GSE1: variants seen among roughly 807,000 people sequenced by gnomAD.
The protein encoded by GSE1 is Gse1 coiled-coil protein, also known as genetic suppressor element 1.
GSE1 carries 32 observed loss-of-function variants against 112.6 expected under a neutral mutation model. The ratio of observed to expected loss-of-function variants is 0.28; its 90% CI spans 0.21 to 0.38. The LOEUF (loss-of-function observed/expected upper bound fraction) is 0.38. Among genes scored for constraint, GSE1 ranks in the 10% least tolerant of loss-of-function variants. The pLI, the probability that GSE1 is intolerant of heterozygous loss-of-function variation, is 1.00. For missense variants in GSE1, 2,348 were observed against 1,699.2 expected, an observed-to-expected ratio of 1.38 and a Z score of -6.71; for synonymous variants, 1,115 against 735.6, an observed-to-expected ratio of 1.52 and a Z score of -8.35.
intron 1 of GSE1, among the ~76,000 whole-genome samples, chr16:85,243,893 G>A (rs893528055): frequency 6.6e-5 from 10 of 152,290 alleles, no homozygotes; most frequent in Middle Eastern, 3.4e-3. Context: ...TTGGGAGGCC[G>A]AGGTGGGCGG....
At chr16:85,669,866 C>G (rs1164183640) in intron 14 of GSE1, among the ~76,000 whole-genome samples, 2 of 152,236 alleles carry the variant, frequency 1.3e-5, no homozygotes, top group Non-Finnish European at 2.9e-5. Context: ...CACTCCCACA[C>G]CTGCTGGGCC....
chr16:85,518,034 A>G (rs954759391), intron 2 of GSE1, among the ~76,000 whole-genome samples: 3 of 152,168 alleles, frequency 2.0e-5, no homozygotes, highest in African/African-American at 7.2e-5. Flanking sequence ...GCCGGGCACC[A>G]GGGACACGGC....
At chr16:85,523,319 C>T (rs566252465) in intron 2 of GSE1, among the ~76,000 whole-genome samples, 38 of 152,236 alleles carry the variant, frequency 2.5e-4, no homozygotes, top group African/African-American at 9.2e-4. Context: ...TGTGCGTGCC[C>T]TGTGTGTGCG....
chr16:85,654,570 G>A (rs561808177), intron 4 of GSE1, 120 bp downstream of exon 4: 46 of 913,280 alleles, frequency 5.0e-5, no homozygotes, highest in Middle Eastern at 3.4e-4. Context: ...GATGGTTGTC[G>A]GCCGCTGAGC....
chr16:85,357,404 A>C (rs900755), intron 1 of GSE1: 3 of 1,049,170 alleles, frequency 2.9e-6, no homozygotes, highest in Non-Finnish European at 3.6e-6. Flanking sequence ...GAGTCCATTC[A>C]TGCATCATCC....
At chr16:85,197,372 C>T (rs2074947874) in intron 1 of GSE1, among the ~76,000 whole-genome samples, 1 of 152,226 alleles carries the variant, frequency 6.6e-6, no homozygotes, top group Non-Finnish European at 1.5e-5. Flanking sequence ...TTTTAAAGGA[C>T]TCCAGCCCTT....
intron 2 of GSE1, among the ~76,000 whole-genome samples, chr16:85,643,436 G>C (rs2050606371): frequency 6.6e-6 from 1 of 152,170 alleles, no homozygotes; most frequent in African/African-American, 2.4e-5. Flanking sequence ...GAGTGTCAAT[G>C]GCCTGCCCTG....
intron 14 of GSE1, among the ~76,000 whole-genome samples, chr16:85,669,895 G>A (rs1339815752): frequency 3.9e-5 from 6 of 152,172 alleles, no homozygotes; most frequent in Non-Finnish European, 2.9e-5. Flanking sequence ...CCCCTGTCAG[G>A]CATGACCTGC....
At chr16:85,518,543 C>T (rs1455209666) in intron 2 of GSE1, among the ~76,000 whole-genome samples, 3 of 152,118 alleles carry the variant, frequency 2.0e-5, no homozygotes, top group Admixed American at 6.5e-5. Context: ...TCACATTCAG[C>T]TTCCGGCCCC....
chr16:85,501,547 A>C (rs964596030), intron 2 of GSE1, among the ~76,000 whole-genome samples: 1 of 151,942 alleles, frequency 6.6e-6, no homozygotes, highest in Non-Finnish European at 1.5e-5. Flanking sequence ...GTGTGCCACC[A>C]TGCCCAGCTA....
intron 1 of GSE1, among the ~76,000 whole-genome samples, chr16:85,337,530 C>A (rs1407508984): frequency 6.6e-6 from 1 of 152,112 alleles, no homozygotes; most frequent in Non-Finnish European, 1.5e-5. Context: ...TGGTCTCGAT[C>A]TCCTGACCTC....
At chr16:85,500,566 A>G (rs1311242642) in intron 2 of GSE1, among the ~76,000 whole-genome samples, 1 of 152,206 alleles carries the variant, frequency 6.6e-6, no homozygotes, top group Non-Finnish European at 1.5e-5. Flanking sequence ...ACGTCGTGGC[A>G]GTGATGGATT....
At chr16:85,178,798 C>A (rs2074520803) in intron 1 of GSE1, among the ~76,000 whole-genome samples, 1 of 150,016 alleles carries the variant, frequency 6.7e-6, no homozygotes, top group South Asian at 2.2e-4. Context: ...GTGGTGGGGG[C>A]CTGCCGTCTG....
chr16:85,636,045 C>G (rs1197584021), intron 2 of GSE1, among the ~76,000 whole-genome samples: 1 of 152,208 alleles, frequency 6.6e-6, no homozygotes, highest in Admixed American at 6.5e-5. Context: ...GGCCGCTGGT[C>G]CCCACTGGCC....
chr16:85,509,153 G>A (rs190601466), intron 2 of GSE1, among the ~76,000 whole-genome samples: 15 of 152,362 alleles, frequency 9.8e-5, no homozygotes, highest in Admixed American at 3.3e-4. Flanking sequence ...CGGGGTTATC[G>A]TGTGACGGAG....
chr16:85,444,308 A>G (rs1210833087), intron 2 of GSE1, among the ~76,000 whole-genome samples: 2 of 152,196 alleles, frequency 1.3e-5, no homozygotes, highest in African/African-American at 2.4e-5. Flanking sequence ...TAGCCAGCCC[A>G]AAGGACATAA....
intron 2 of GSE1, among the ~76,000 whole-genome samples, chr16:85,452,114 G>A (rs1050261987): frequency 1.3e-5 from 2 of 152,136 alleles, no homozygotes; most frequent in Non-Finnish European, 2.9e-5. Context: ...CGTGTCCGGC[G>A]CGAATAATTG....
rs1189399175 is a variant in GSE1 at position 85,419,448 on chromosome 16, G to C, written c.2464+61805G>C. ...AGCAACATAGTGAGACCCTGTCTAC[G>C]AACAAAAGTTAGCCAGGCGTGGTGG... On this transcript the variant is annotated intron_variant, in intron 2 of 2. Coordinates refer to the GSE1 transcript ENST00000637419. This position sits in a 1 kb window ranked among gnomAD's most constrained non-coding sequence, Gnocchi z 6.5. Among the ~76,000 whole-genome samples the C allele has an allele frequency of 1.3e-5, 2 of 151,576 alleles. No individual in the cohort carries two copies. Among genetic ancestry groups the C allele is most frequent in the African/African-American group, 4.8e-5 (2 of 41,252 alleles).
chr16:85,633,740 G>T (rs1160713706), intron 1 of GSE1, among the ~76,000 whole-genome samples, 174 bp from the exon 2 acceptor site: 2 of 152,156 alleles, frequency 1.3e-5, no homozygotes, highest in Non-Finnish European at 2.9e-5. Context: ...CTGGGGACGG[G>T]GTCTGTTCTC....
Sources: allele counts gnomAD v4.1 joint callset (sites outside exome capture counted in the v4.1 genomes callset), GRCh38; gene constraint gnomAD v4.1.1; non-coding constraint Gnocchi (gnomAD v3.1); transcripts MANE v1.5; gene names NCBI Gene and HGNC (gene_info 2026-07-23, HGNC 2026-07-21).